ADAM2: variants seen among roughly 807,000 people sequenced by gnomAD.
The protein encoded by ADAM2 is ADAM metallopeptidase domain 2.
ADAM2 carries 101 observed loss-of-function variants against 99.3 expected under a neutral mutation model. The observed-to-expected ratio is 1.02, with a 90% CI of 0.87 to 1.20. The LOEUF is 1.20. ADAM2 is among the 50% of genes most tolerant of loss of function. ADAM2 has a pLI of 0.00. For synonymous variants in ADAM2, 323 were observed against 287.6 expected (o/e 1.12, Z -1.25); for missense variants, 948 against 878.7 (o/e 1.08, Z -1.00).
chr8:39,809,643 T>C lies in ADAM2; in HGVS notation c.514-177A>G. ...AATCATTTTCATCTATTTGTCACTT[T>C]TCTGTACCTAATCAATTATTTAATT... On this transcript the variant is annotated intron_variant, in intron 6 of 20. Coordinates refer to ENST00000265708, the MANE Select transcript of ADAM2 (RefSeq NM_001464.5). 1.3e-5 allele frequency among the ~76,000 whole-genome samples: 2 copies of C among 152,220 alleles called. 1 individual carries two copies. The highest frequency in any genetic ancestry group is 2.9e-5 in the Non-Finnish European group (2 of 68,038).
chr8:39,773,937 A>G (rs989674580), intron 11 of ADAM2, among the ~76,000 whole-genome samples: 1 of 151,954 alleles, frequency 6.6e-6, no homozygotes, highest in Non-Finnish European at 1.5e-5. Flanking sequence ...TACTTTGCCA[A>G]TATTAGGGGA....
chr8:39,824,524 T>A (rs1225734747), intron 4 of ADAM2, among the ~76,000 whole-genome samples: 2 of 152,120 alleles, frequency 1.3e-5, no homozygotes, highest in African/African-American at 4.8e-5. Context: ...CTGATACAAG[T>A]CATGGTTTTT....
intron 3 of ADAM2, among the ~76,000 whole-genome samples, chr8:39,830,727 TG>T (rs1486566756): frequency 2.6e-5 from 4 of 152,022 alleles, no homozygotes; most frequent in Admixed American, 2.6e-4. Context: ...AGCATTTAAA[TG>T]AAAGGAATAG....
chr8:39,765,186 C>T (rs117967514), intron 14 of ADAM2, among the ~76,000 whole-genome samples: 1 of 152,178 alleles, frequency 6.6e-6, no homozygotes, highest in Non-Finnish European at 1.5e-5. Flanking sequence ...GTCTTATAAA[C>T]TGCTTGAAGT....
In ADAM2 at chr8:39,822,207, G is replaced by A. The variant is rs555742653; in HGVS notation, c.268-545C>T. 5.3e-5 allele frequency among the ~76,000 whole-genome samples: 8 copies of A among 151,912 alleles called. No homozygotes were observed. The South Asian group carries it at 1.7e-3, about 32-fold the overall frequency. On this transcript the variant is annotated intron_variant, in intron 4 of 20. Transcript: ENST00000265708. ...TGCTTTTATTTTTATCACCAATTGG[G>A]GTATACTTCATACTTTATATAATGA...
chr8:39,783,768 G>A lies in ADAM2; in HGVS notation c.891+3206C>T, dbSNP rs556272492. ...AGATCGAGACCATCCTGGCTAACAT[G>A]GTGAAACCCCCATCTCTACTAAAAA... On this transcript the variant is annotated intron_variant, in intron 10 of 20. Coordinates refer to ENST00000265708, the MANE Select transcript of ADAM2 (RefSeq NM_001464.5). 2.6e-5 allele frequency among the ~76,000 whole-genome samples: 4 copies of A among 152,018 alleles called. No individual in the cohort carries two copies. In the East Asian group the frequency reaches 7.8e-4, roughly 30 times the overall value.
Position 39,767,227 on chromosome 8 carries a change from A to G in ADAM2, c.1237T>C (p.Cys413Arg), listed in dbSNP as rs776540252. 1.2e-5 allele frequency: 20 copies of G among 1,606,806 alleles called. No individual in the cohort carries two copies. The highest frequency in any genetic ancestry group is 7.0e-5 in the Admixed American group (4 of 57,022). ...EQDCALIGET[C>R]CDIATCRFKA... The stretch of plus-strand genomic sequence containing the variant: ...AATCTACATGTGGCAATATCACAGC[A>G]TGTTTCTCCAATAAGGGCACAATCC... Residue 413 changes from cysteine (C) to arginine (R), a missense_variant, in exon 13 of 21, where the codon TGC becomes CGC. By Grantham distance (180) the Cys-to-Arg change is radical. Coordinates refer to ENST00000265708, the MANE Select transcript of ADAM2 (RefSeq NM_001464.5).
chr8:39,833,965 T>C lies in ADAM2; in HGVS notation c.167A>G (p.Tyr56Cys), dbSNP rs756968994. The change falls in exon 3 of 21, where the codon TAT (tyrosine) becomes TGT (cysteine). Residue 56 changes from tyrosine (Y) to cysteine (C), a missense_variant. Tyr to Cys is a radical substitution (Grantham distance 194, BLOSUM62 -2). Transcript: ENST00000265708. ...SYKIVIEGKP[Y>C]TVNLMQKNFL... ...CTACTTTTGCATTAAATTCACAGTA[T>C]ATGGTTTCCCTTCAATTACAATTTT... 1.3e-6 allele frequency: 2 copies of C among 1,566,686 alleles called. No individual in the cohort carries two copies. The highest frequency in any genetic ancestry group is 1.4e-5 in the African/African-American group (1 of 73,844).
At chr8:39,770,065 C>A (rs1363121504) in intron 11 of ADAM2, among the ~76,000 whole-genome samples, 1 of 151,240 alleles carries the variant, frequency 6.6e-6, no homozygotes, top group Non-Finnish European at 1.5e-5. Flanking sequence ...TCTGCCTCAG[C>A]CTCCCAAGTA....
intron 7 of ADAM2, among the ~76,000 whole-genome samples, chr8:39,790,804 C>T (rs1563359998): frequency 6.6e-6 from 1 of 151,878 alleles, no homozygotes; most frequent in Non-Finnish European, 1.5e-5. Flanking sequence ...CCACTATAAG[C>T]AGGTTCTAAT....
At chr8:39,825,735 A>G (rs1269430465) in intron 3 of ADAM2, among the ~76,000 whole-genome samples, 1 of 152,172 alleles carries the variant, frequency 6.6e-6, no homozygotes, top group African/African-American at 2.4e-5. Context: ...CAATTAACAA[A>G]TAATACAGCT....
At chr8:39,777,565 G>T (rs1192561883) in intron 10 of ADAM2, among the ~76,000 whole-genome samples, 1 of 152,074 alleles carries the variant, frequency 6.6e-6, no homozygotes, top group Non-Finnish European at 1.5e-5. Flanking sequence ...ATAAAGAGGA[G>T]ATGGTTTAAT....
intron 10 of ADAM2, among the ~76,000 whole-genome samples, chr8:39,785,844 C>A (rs1315234925): frequency 1.3e-5 from 2 of 149,270 alleles, no homozygotes; most frequent in African/African-American, 4.9e-5. Context: ...ATCATTCTAC[C>A]AAAAAGACAC....
chr8:39,793,748 G>A (rs761938218), intron 7 of ADAM2, among the ~76,000 whole-genome samples: 1 of 152,076 alleles, frequency 6.6e-6, no homozygotes, highest in Non-Finnish European at 1.5e-5. Context: ...ATTTGATTGA[G>A]AGAACATAAA....
intron 15 of ADAM2, among the ~76,000 whole-genome samples, chr8:39,760,149 G>T (rs1308207408): frequency 6.6e-6 from 1 of 152,098 alleles, no homozygotes; most frequent in Non-Finnish European, 1.5e-5. Context: ...TTACAGGTAT[G>T]AGCTACCCCG....
In ADAM2 at chr8:39,809,476, TC is replaced by T; in HGVS notation, c.514-11del. The T allele has an allele frequency of 7.4e-7, 1 of 1,357,078 alleles. No homozygotes were observed. The highest frequency in any genetic ancestry group is 1.0e-6 in the Non-Finnish European group (1 of 961,290). The allele number at this position is 1,357,078 out of a possible 1,614,324, so 84.1% of individuals were successfully genotyped here. A position where few individuals can be genotyped will look rare whatever the true frequency, so the allele number is the denominator to read the frequency against. ...CAAAATCTTGCTGTGGCTGAAAAAA[TC>T]CACAAATTTTACATCAAAATTACAG... On this transcript the variant is annotated splice_polypyrimidine_tract_variant and intron_variant, in intron 6 of 20. Coordinates refer to ENST00000265708, the MANE Select transcript of ADAM2 (RefSeq NM_001464.5).
intron 6 of ADAM2, among the ~76,000 whole-genome samples, chr8:39,820,594 T>C (rs1392120802): frequency 6.6e-6 from 1 of 152,138 alleles, no homozygotes; most frequent in Non-Finnish European, 1.5e-5. Context: ...GAGGAAAATA[T>C]AATGACCTCC....
At chr8:39,802,231 C>T (rs953396490) in intron 7 of ADAM2, among the ~76,000 whole-genome samples, 5 of 152,312 alleles carry the variant, frequency 3.3e-5, no homozygotes, top group Admixed American at 1.3e-4. Flanking sequence ...GGAGGGGATT[C>T]CCCTTCCCCG....
chr8:39,751,727 TAAG>T (rs761162000), intron 16 of ADAM2, among the ~76,000 whole-genome samples: 1 of 152,194 alleles, frequency 6.6e-6, no homozygotes, highest in Non-Finnish European at 1.5e-5. Flanking sequence ...TGTTTTGAGA[TAAG>T]AATCATAATG....
Sources: allele counts gnomAD v4.1 joint callset (sites outside exome capture counted in the v4.1 genomes callset), GRCh38; gene constraint gnomAD v4.1.1; transcripts MANE v1.5; gene names NCBI Gene and HGNC (gene_info 2026-07-23, HGNC 2026-07-21).